DPYD: variants seen among roughly 807,000 people sequenced by gnomAD.
DPYD encodes dihydropyrimidine dehydrogenase [NADP(+)].
In DPYD, 109 loss-of-function variants were observed where a neutral mutation model predicts 116.2. The ratio of observed to expected loss-of-function variants is 0.94; its 90% CI spans 0.80 to 1.10. The LOEUF (loss-of-function observed/expected upper bound fraction) is 1.10. Among genes scored for constraint, DPYD ranks in the 50% least tolerant of loss-of-function variants. The pLI, the probability that DPYD is intolerant of heterozygous loss-of-function variation, is 0.00. For synonymous variants in DPYD, 440 were observed against 432.0 expected (o/e 1.02, Z -0.23); for missense variants, 1,302 against 1,254.5 (o/e 1.04, Z -0.57).
intron 19 of DPYD, among the ~76,000 whole-genome samples, chr1:97,201,859 T>G (rs1007511293): frequency 1.3e-5 from 2 of 151,546 alleles, no homozygotes; most frequent in African/African-American, 4.8e-5. Context: ...TGATTTAAAC[T>G]CCTTCTGAGA....
chr1:97,375,664 T>C (rs2101530531), intron 15 of DPYD, among the ~76,000 whole-genome samples: 1 of 152,328 alleles, frequency 6.6e-6, no homozygotes, highest in South Asian at 2.1e-4. Flanking sequence ...GGGGATGATT[T>C]GGACAAGTCA....
chr1:97,181,913 C>T (rs901146827), intron 20 of DPYD, among the ~76,000 whole-genome samples: 5 of 152,126 alleles, frequency 3.3e-5, no homozygotes, highest in African/African-American at 1.2e-4. Flanking sequence ...CTTCTGTGTA[C>T]ATATATGATT....
chr1:97,649,721 A>C (rs1658473779), intron 8 of DPYD, among the ~76,000 whole-genome samples: 1 of 152,090 alleles, frequency 6.6e-6, no homozygotes, highest in Non-Finnish European at 1.5e-5. Context: ...GCATATTTGA[A>C]AGTTTAATAT....
chr1:97,313,706 G>A (rs1667650237), intron 16 of DPYD, among the ~76,000 whole-genome samples: 1 of 151,750 alleles, frequency 6.6e-6, no homozygotes, highest in South Asian at 2.1e-4. Context: ...AGCCCTCCAT[G>A]ACAAATCCTT....
chr1:97,620,516 T>C (rs1656572092), intron 8 of DPYD, among the ~76,000 whole-genome samples: 1 of 152,128 alleles, frequency 6.6e-6, no homozygotes, highest in Non-Finnish European at 1.5e-5. Flanking sequence ...GCACCCACTC[T>C]CACATTTAGA....
At chr1:97,144,035 C>G (rs570876505) in intron 20 of DPYD, among the ~76,000 whole-genome samples, 1 of 152,218 alleles carries the variant, frequency 6.6e-6, no homozygotes, top group South Asian at 2.1e-4. Context: ...CTATGCATCA[C>G]CATGAAACAA....
intron 14 of DPYD, among the ~76,000 whole-genome samples, chr1:97,424,583 T>C (rs925663421): frequency 2.6e-5 from 4 of 152,246 alleles, no homozygotes; most frequent in South Asian, 2.1e-4. Flanking sequence ...TCATTTCTTA[T>C]GCAAATATTC....
intron 8 of DPYD, among the ~76,000 whole-genome samples, chr1:97,644,574 G>A (rs1311256887): frequency 2.0e-5 from 3 of 151,252 alleles, no homozygotes; most frequent in Non-Finnish European, 4.4e-5. Flanking sequence ...GACTCCAGGC[G>A]AGCACCACCA....
intron 14 of DPYD, among the ~76,000 whole-genome samples, chr1:97,430,408 TA>T (rs1277832476): frequency 6.6e-6 from 1 of 152,200 alleles, no homozygotes; most frequent in East Asian, 1.9e-4. Context: ...GAATAATTTC[TA>T]AAAAGTATTT....
intron 2 of DPYD, among the ~76,000 whole-genome samples, chr1:97,880,352 T>A (rs1235724842): frequency 6.6e-6 from 1 of 151,860 alleles, no homozygotes; most frequent in Non-Finnish European, 1.5e-5. Flanking sequence ...AGTTCCAGCA[T>A]CCTACTTGGG....
At chr1:97,689,962 C>T (rs1660928407) in intron 7 of DPYD, among the ~76,000 whole-genome samples, 1 of 151,976 alleles carries the variant, frequency 6.6e-6, no homozygotes, top group African/African-American at 2.4e-5. Flanking sequence ...GTACTGTTAG[C>T]TTTCTCTTTA....
chr1:97,249,206 G>C (rs933319333), intron 18 of DPYD, among the ~76,000 whole-genome samples: 6 of 151,570 alleles, frequency 4.0e-5, no homozygotes, highest in African/African-American at 9.8e-5. Context: ...TAAATTTATA[G>C]TAATAAAGAC....
rs1661021497 is a variant in DPYD, at chr1:97,691,792, A to G, written c.687T>C (p.Ser229=). 3 of 1,613,446 alleles carry G rather than the reference A, an allele frequency of 1.9e-6. No individual in the cohort carries two copies. Among genetic ancestry groups the G allele is most frequent in the Admixed American group, 1.7e-5 (1 of 59,992 alleles). The change falls in exon 7 of 23, where the codon TCT becomes TCC. Residue 229 remains serine (S), a synonymous_variant. Coordinates refer to ENST00000370192, the MANE Select transcript of DPYD (RefSeq NM_000110.4). ...ACGGCAGCCGGAACTGAGGAATTTC[A>G]GAAGTACTGAAAAGAAAGGAGAAAG... ...KQEYVGGLST[S]EIPQFRLPYD... is the part of the protein sequence containing the mutation.
intron 13 of DPYD, among the ~76,000 whole-genome samples, chr1:97,504,470 C>CAA: frequency 6.6e-6 from 1 of 151,960 alleles, no homozygotes; most frequent in South Asian, 2.1e-4. Context: ...CTTGGAAAGG[C>CAA]AAATGTGTTG....
chr1:97,541,412 C>T (rs1179847540), intron 12 of DPYD, among the ~76,000 whole-genome samples: 1 of 152,056 alleles, frequency 6.6e-6, no homozygotes, highest in African/African-American at 2.4e-5. Context: ...GCAGGACAAA[C>T]ATAAAAATCT....
intron 13 of DPYD, among the ~76,000 whole-genome samples, chr1:97,486,210 T>A (rs1678625822): frequency 6.6e-6 from 1 of 152,210 alleles, no homozygotes; most frequent in South Asian, 2.1e-4. Flanking sequence ...AGTTCATGGA[T>A]AACAGTTCAG....
chr1:97,714,669 A>C lies in DPYD; in HGVS notation c.483+6841T>G, dbSNP rs988576580. 2.2e-3 allele frequency among the ~76,000 whole-genome samples: 337 copies of C among 151,860 alleles called. 4 individuals are homozygous for C. The highest frequency in any genetic ancestry group is 7.5e-3 in the African/African-American group (313 of 41,492). ...AAAAGAAAAGACAAAAAAAAAAAAA[A>C]AAAAACAACTAAGCCGTATGTGTTG... On this transcript the variant is annotated intron_variant, in intron 5 of 22. Coordinates refer to ENST00000370192, the MANE Select transcript of DPYD (RefSeq NM_000110.4).
intron 3 of DPYD, among the ~76,000 whole-genome samples, chr1:97,795,357 C>T (rs1040766678): frequency 6.6e-6 from 1 of 151,940 alleles, no homozygotes; most frequent in African/African-American, 2.4e-5. Flanking sequence ...TATCAATTTT[C>T]TAACTGCTAA....
rs564031861 is a variant in DPYD, at chr1:97,522,588, G to A, written c.1525-6647C>T. Among the ~76,000 whole-genome samples the A allele has an allele frequency of 1.3e-4, 20 of 151,798 alleles. No individual in the cohort carries two copies. In the South Asian group the frequency reaches 1.7e-3, roughly 13 times the overall value. ...CAAAAAATTAGCTGGGCATAGTGGC[G>A]GGCACCTGTAGTCCCAGCTACTTGG... On this transcript the variant is annotated intron_variant, in intron 12 of 22. Coordinates refer to ENST00000370192, the MANE Select transcript of DPYD (RefSeq NM_000110.4).
Sources: gnomAD v4.1 joint callset for allele counts (sites outside exome capture counted in the v4.1 genomes callset) on GRCh38, gnomAD v4.1.1 for gene constraint, MANE v1.5 for transcripts, NCBI Gene and HGNC (gene_info 2026-07-23, HGNC 2026-07-21) for gene names.